Variants in ADGRB3 observed in about 807,000 individuals in gnomAD.
ADGRB3 encodes the protein brain-specific angiogenesis inhibitor 3.
A neutral mutation model predicts 193.4 loss-of-function variants in ADGRB3; 37 were observed. That is an observed-to-expected ratio of 0.19 (90% confidence interval 0.15 to 0.25). The LOEUF (loss-of-function observed/expected upper bound fraction) is 0.25. ADGRB3 is among the 10% of genes least tolerant of loss of function. The probability of loss-of-function intolerance (pLI) is 1.00; values close to 1 mark genes in which losing one functional copy is unlikely to be tolerated. For synonymous variants in ADGRB3, 690 were observed against 644.2 expected, an observed-to-expected ratio of 1.07 and a Z score of -1.08; for missense variants, 1,637 against 1,852.9, an observed-to-expected ratio of 0.88 and a Z score of 2.14.
At chr6:69,077,054 A>G (rs1354493545) in intron 17 of ADGRB3, among the ~76,000 whole-genome samples, 1 of 152,024 alleles carries the variant, frequency 6.6e-6, no homozygotes, top group African/African-American at 2.4e-5. Flanking sequence ...AATATTAAAC[A>G]TACTCTTTTG....
intron 17 of ADGRB3, among the ~76,000 whole-genome samples, chr6:69,203,029 G>A (rs1008472714): frequency 6.6e-6 from 1 of 152,002 alleles, no homozygotes; most frequent in African/African-American, 2.4e-5. Flanking sequence ...TAAAACCATG[G>A]CAGATAGTAG....
chr6:69,089,074 A>T (rs906201880), intron 17 of ADGRB3, among the ~76,000 whole-genome samples: 2 of 152,230 alleles, frequency 1.3e-5, no homozygotes, highest in African/African-American at 4.8e-5. Context: ...ACAAAGGGTT[A>T]ATTAGTGGAA....
chr6:68,820,331 A>G (rs1279680992), intron 3 of ADGRB3, among the ~76,000 whole-genome samples: 1 of 151,520 alleles, frequency 6.6e-6, no homozygotes, highest in African/African-American at 2.4e-5. Context: ...TTCTTTTGTT[A>G]ATTTAGTTTT....
At chr6:68,861,396 C>T (rs146971790) in intron 3 of ADGRB3, among the ~76,000 whole-genome samples, 2,267 of 152,116 alleles carry the variant, frequency 0.015, 27 homozygotes, top group Non-Finnish European at 0.024. Context: ...CCCGTCTCTA[C>T]TAAAAATACA....
At chr6:69,168,952 TTC>T (rs1381290255) in intron 17 of ADGRB3, among the ~76,000 whole-genome samples, 2 of 152,132 alleles carry the variant, frequency 1.3e-5, no homozygotes, top group African/African-American at 4.8e-5. Context: ...TATTTTTTTA[TTC>T]TTGCTTTATA....
intron 3 of ADGRB3, among the ~76,000 whole-genome samples, chr6:68,844,992 G>A (rs1388522832): frequency 2.0e-5 from 3 of 152,090 alleles, no homozygotes; most frequent in Non-Finnish European, 4.4e-5. Flanking sequence ...GAGGTGGGGA[G>A]GGAAGTGGAG....
intron 5 of ADGRB3, among the ~76,000 whole-genome samples, chr6:68,938,832 A>G (rs1306611823): frequency 1.3e-5 from 2 of 152,172 alleles, no homozygotes; most frequent in Non-Finnish European, 2.9e-5. Flanking sequence ...GTCCTTGACA[A>G]TGAGAAAAAT....
At chr6:68,674,469 T>C (rs966276919) in intron 3 of ADGRB3, among the ~76,000 whole-genome samples, 5 of 152,302 alleles carry the variant, frequency 3.3e-5, no homozygotes, top group Middle Eastern at 3.4e-3. Context: ...ATGAAAATCT[T>C]ATTTTTCTAT....
chr6:69,349,957 C>T (rs1194442099), intron 26 of ADGRB3, among the ~76,000 whole-genome samples: 1 of 152,178 alleles, frequency 6.6e-6, no homozygotes, highest in East Asian at 1.9e-4. Flanking sequence ...TCTTCCCTAG[C>T]AGTCTCTAAC....
chr6:69,316,095 C>G (rs1411105540), intron 20 of ADGRB3, among the ~76,000 whole-genome samples: 1 of 151,158 alleles, frequency 6.6e-6, no homozygotes, highest in East Asian at 1.9e-4. Context: ...GAAAAACTTA[C>G]AAGATGTGTA....
intron 13 of ADGRB3, among the ~76,000 whole-genome samples, chr6:69,042,745 G>A (rs1771109077): frequency 6.6e-6 from 1 of 152,112 alleles, no homozygotes; most frequent in South Asian, 2.1e-4. Flanking sequence ...ATTCCATTTT[G>A]ATAACTGGGC....
chr6:68,993,747 CT>C lies in ADGRB3; in HGVS notation c.1735-20del, dbSNP rs1769304942. On this transcript the variant is annotated intron_variant, in intron 10 of 31. Transcript: ENST00000370598. ...GGTAATGAAGATTCTGATGTTTGCTCTGTTCTTTTGACCATCACAGATTAAA... is the reference window on the plus strand; with the variant it reads ...GGTAATGAAGATTCTGATGTTTGCTCGTTCTTTTGACCATCACAGATTAAA... 6.2e-7 allele frequency: 1 copy of C among 1,600,104 alleles called. No individual in the cohort carries two copies. The highest frequency in any genetic ancestry group is 1.3e-5 in the African/African-American group (1 of 74,484).
chr6:68,802,570 A>G (rs181441836), intron 3 of ADGRB3, among the ~76,000 whole-genome samples: 2 of 152,322 alleles, frequency 1.3e-5, no homozygotes, highest in East Asian at 3.9e-4. Flanking sequence ...ATAGCATGGT[A>G]TAACAAACTT....
intron 3 of ADGRB3, among the ~76,000 whole-genome samples, chr6:68,765,151 T>C (rs556883274): frequency 2.6e-5 from 4 of 152,262 alleles, no homozygotes; most frequent in African/African-American, 9.6e-5. Flanking sequence ...CTTTATGACT[T>C]TTATGTTCTT....
At chr6:69,211,034 A>G (rs574416203) in intron 17 of ADGRB3, among the ~76,000 whole-genome samples, 60 of 152,122 alleles carry the variant, frequency 3.9e-4, no homozygotes, top group Non-Finnish European at 7.2e-4. Flanking sequence ...AGGCAGGAGA[A>G]TGGCCTGAAC....
intron 17 of ADGRB3, among the ~76,000 whole-genome samples, chr6:69,230,517 T>A (rs996426771): frequency 4.6e-5 from 7 of 152,180 alleles, no homozygotes; most frequent in South Asian, 2.1e-4. Context: ...TTTCAAAGAA[T>A]TTTTTACAGT....
At chr6:69,203,996 A>C (rs961847895) in intron 17 of ADGRB3, among the ~76,000 whole-genome samples, 11 of 152,100 alleles carry the variant, frequency 7.2e-5, no homozygotes, top group African/African-American at 2.7e-4. Flanking sequence ...AAAGGAACAA[A>C]GCTAGCATTT....
intron 17 of ADGRB3, among the ~76,000 whole-genome samples, chr6:69,077,120 G>A (rs1403504856): frequency 6.6e-6 from 1 of 151,978 alleles, no homozygotes; most frequent in Non-Finnish European, 1.5e-5. Context: ...CAATAGTTAA[G>A]TACAGAGAAT....
chr6:68,883,947 C>A (rs1354951215), intron 3 of ADGRB3, among the ~76,000 whole-genome samples: 1 of 152,064 alleles, frequency 6.6e-6, no homozygotes, highest in East Asian at 1.9e-4. Context: ...AGGGTACTTC[C>A]AAGGTTGCTG....
Sources: allele counts gnomAD v4.1 joint callset (sites outside exome capture counted in the v4.1 genomes callset), GRCh38; gene constraint gnomAD v4.1.1; transcripts MANE v1.5; gene names NCBI Gene and HGNC (gene_info 2026-07-23, HGNC 2026-07-21).